Variants in DCC observed in about 807,000 individuals in gnomAD.
DCC encodes netrin receptor DCC.
A neutral mutation model predicts 172.5 loss-of-function variants in DCC; 58 were observed. That is an observed-to-expected ratio of 0.34 (90% CI 0.27 to 0.42). The LOEUF (loss-of-function observed/expected upper bound fraction) is 0.42. DCC is among the 10% of genes least tolerant of loss of function. The pLI, the probability that DCC is intolerant of heterozygous loss-of-function variation, is 1.00. For missense variants in DCC, 1,740 were observed against 1,791.0 expected (o/e 0.97, Z 0.51); for synonymous variants, 709 against 644.5 (o/e 1.10, Z -1.52).
intron 5 of DCC, among the ~76,000 whole-genome samples, chr18:52,947,132 T>C (rs563461121): frequency 2.0e-5 from 3 of 152,110 alleles, no homozygotes; most frequent in Non-Finnish European, 4.4e-5. Context: ...AATATTTGTA[T>C]CAAAACATTA....
At chr18:52,368,043 C>G (rs1024350398) in intron 1 of DCC, among the ~76,000 whole-genome samples, 4 of 152,094 alleles carry the variant, frequency 2.6e-5, no homozygotes, top group Non-Finnish European at 5.9e-5. Context: ...GGTTTTGGAC[C>G]TTTTCCACTC....
At chr18:52,994,862 T>G (rs972289165) in intron 5 of DCC, among the ~76,000 whole-genome samples, 3 of 152,174 alleles carry the variant, frequency 2.0e-5, no homozygotes, top group African/African-American at 7.2e-5. Context: ...ATACGTATGG[T>G]TAAAGACATC....
intron 5 of DCC, among the ~76,000 whole-genome samples, chr18:52,940,120 A>G (rs1382267448): frequency 1.3e-5 from 2 of 152,198 alleles, no homozygotes; most frequent in African/African-American, 4.8e-5. Flanking sequence ...CACTGCTTTG[A>G]GAAAAGGAAG....
chr18:52,928,084 C>T (rs2040247258), intron 5 of DCC, among the ~76,000 whole-genome samples: 1 of 152,018 alleles, frequency 6.6e-6, no homozygotes, highest in South Asian at 2.1e-4. Flanking sequence ...ACTATGCAGC[C>T]AGATAAATAA....
At chr18:52,574,920 C>T (rs1163372299) in intron 1 of DCC, among the ~76,000 whole-genome samples, 1 of 152,096 alleles carries the variant, frequency 6.6e-6, no homozygotes, top group Non-Finnish European at 1.5e-5. Flanking sequence ...TTTAGAAATG[C>T]AAAGTCATAG....
intron 27 of DCC, among the ~76,000 whole-genome samples, chr18:53,524,427 TATTAA>T (rs2046432776): frequency 6.6e-6 from 1 of 152,118 alleles, no homozygotes; most frequent in Non-Finnish European, 1.5e-5. Context: ...TCATTTATCA[TATTAA>T]ATTAATGATT....
At chr18:53,370,267 C>T (rs1386274863) in intron 15 of DCC, among the ~76,000 whole-genome samples, 1 of 151,500 alleles carries the variant, frequency 6.6e-6, no homozygotes, top group African/African-American at 2.4e-5. Flanking sequence ...TGTTGTAATC[C>T]TTCTTATTTC....
At chr18:52,458,366 C>T (rs347535) in intron 1 of DCC, among the ~76,000 whole-genome samples, 119,392 of 151,988 alleles carry the variant, frequency 0.79, 47,717 homozygotes, top group African/African-American at 0.93. Context: ...CATTGTCCCC[C>T]CCTGACTGCG....
chr18:52,573,073 C>T (rs1369847041), intron 1 of DCC, among the ~76,000 whole-genome samples: 1 of 152,088 alleles, frequency 6.6e-6, no homozygotes, highest in East Asian at 1.9e-4. Flanking sequence ...TTTGCATTGT[C>T]TTGTAACAGG....
intron 8 of DCC, among the ~76,000 whole-genome samples, chr18:53,169,513 T>A (rs1213171395): frequency 1.3e-5 from 2 of 152,146 alleles, no homozygotes; most frequent in African/African-American, 4.8e-5. Context: ...AATCGACTTA[T>A]CCTGAATTTG....
At chr18:53,374,709 C>T (rs1041181456) in intron 15 of DCC, among the ~76,000 whole-genome samples, 1 of 152,054 alleles carries the variant, frequency 6.6e-6, no homozygotes, top group Non-Finnish European at 1.5e-5. Flanking sequence ...CGTACCCACA[C>T]ACATACACAC....
chr18:52,719,210 T>TTTC (rs1555651767), intron 1 of DCC, among the ~76,000 whole-genome samples: 2 of 152,022 alleles, frequency 1.3e-5, no homozygotes, highest in African/African-American at 2.4e-5. Context: ...GATTTCATCC[T>TTTC]GAGATCCTTA....
At chr18:52,444,199 A>G (rs1214101733) in intron 1 of DCC, among the ~76,000 whole-genome samples, 1 of 152,190 alleles carries the variant, frequency 6.6e-6, no homozygotes, top group African/African-American at 2.4e-5. Context: ...TGGTGTATGC[A>G]GTTCCTGGCC....
At chr18:53,429,105 AATATATATATTTTATATATATATAAAT>A (rs1320155616) in intron 21 of DCC, among the ~76,000 whole-genome samples, 9 of 80,568 alleles carry the variant, frequency 1.1e-4, no homozygotes, top group African/African-American at 3.3e-4. Flanking sequence ...TTTTATATAT[AATATATATATTTTATATATATATAAAT>A]ATATATATAT....
At chr18:52,627,465 G>A (rs2034595776) in intron 1 of DCC, among the ~76,000 whole-genome samples, 1 of 152,156 alleles carries the variant, frequency 6.6e-6, no homozygotes. Flanking sequence ...ATTCTCCTTA[G>A]GCCTTGTTTC....
chr18:53,057,595 G>C (rs1328561108), intron 5 of DCC, among the ~76,000 whole-genome samples: 1 of 152,070 alleles, frequency 6.6e-6, no homozygotes, highest in Non-Finnish European at 1.5e-5. Context: ...TTTTATTCCA[G>C]AGAAGGAAAG....
chr18:52,523,187 A>G (rs1013829777), intron 1 of DCC, among the ~76,000 whole-genome samples: 4 of 152,162 alleles, frequency 2.6e-5, no homozygotes, highest in African/African-American at 4.8e-5. Context: ...CAGATTCTAC[A>G]TGATTGCATC....
At chr18:53,520,733 C>T (rs79259792) in intron 27 of DCC, among the ~76,000 whole-genome samples, 4,473 of 152,056 alleles carry the variant, frequency 0.029, 100 homozygotes, top group Non-Finnish European at 0.046. Context: ...GTCTGCCTTC[C>T]GACAAAGGAT....
chr18:53,424,927 T>C (rs1910822949), intron 21 of DCC, among the ~76,000 whole-genome samples: 1 of 151,978 alleles, frequency 6.6e-6, no homozygotes, highest in Non-Finnish European at 1.5e-5. Context: ...CACTGGCCAG[T>C]GAAGGCCTGC....
Sources: gnomAD v4.1 joint callset for allele counts (sites outside exome capture counted in the v4.1 genomes callset) on GRCh38, gnomAD v4.1.1 for gene constraint, MANE v1.5 for transcripts, NCBI Gene and HGNC (gene_info 2026-07-23, HGNC 2026-07-21) for gene names.